The following NSD2 variants were observed in gnomAD, a reference collection of about 807,000 sequenced individuals.
The protein encoded by NSD2 is nuclear receptor binding SET domain protein 2.
A neutral mutation model predicts 139.0 loss-of-function variants in NSD2; 12 were observed. The ratio of observed to expected loss-of-function variants is 0.09; its 90% CI spans 0.06 to 0.14. The LOEUF (loss-of-function observed/expected upper bound fraction) is 0.14. Among genes scored for constraint, NSD2 ranks in the 10% least tolerant of loss-of-function variants. The probability of loss-of-function intolerance (pLI) is 1.00; values close to 1 mark genes in which losing one functional copy is unlikely to be tolerated. For missense variants in NSD2, 1,155 were observed against 1,745.0 expected (o/e 0.66, Z 6.02); for synonymous variants, 669 against 648.7 (o/e 1.03, Z -0.48).
At position 1,918,626 on chromosome 4, in the gene NSD2, C is replaced by T. The variant is rs1719727583; in HGVS notation, c.1410+3C>T. 1.2e-6 allele frequency: 2 copies of T among 1,613,226 alleles called. No individual in the cohort carries two copies. The highest frequency in any genetic ancestry group is 1.3e-5 in the African/African-American group (1 of 74,912). The stretch of plus-strand genomic sequence containing the variant: ...TCTGTCAAAAACACAGGGATGAGGT[C>T]AGTACTAAGTTGTGTTTCATGCTAG... On this transcript the variant is annotated splice_donor_region_variant and intron_variant, in intron 5 of 21. Coordinates refer to ENST00000508803, the MANE Select transcript of NSD2 (RefSeq NM_001042424.3).
Position 1,979,545 on chromosome 4 carries a change from C to G in NSD2, c.*636C>G, listed in dbSNP as rs1337857537. The stretch of plus-strand genomic sequence containing the variant: ...GCAATGGTGTTGTAAGATTTCCTCC[C>G]GTAGTTTTTTCTCCTCATGGATTTG... On this transcript the variant is annotated 3_prime_UTR_variant, in exon 22 of 22. Transcript: ENST00000508803. 3 of 232,846 alleles carry G rather than the reference C, an allele frequency of 1.3e-5. No homozygotes were observed. The East Asian group carries it at 1.8e-4, about 14-fold the overall frequency. The allele number at this position is 232,846 out of a possible 1,614,324, so 14.4% of individuals were successfully genotyped here.
In NSD2 at chr4:1,942,542, CAG is replaced by C. The variant is rs1451093379; in HGVS notation, c.1881+2766_1881+2767del. 6.4e-6 allele frequency: 9 copies of C among 1,398,644 alleles called. No individual in the cohort carries two copies. The highest frequency in any genetic ancestry group is 1.4e-5 in the African/African-American group (1 of 69,136). 86.6% of individuals were successfully genotyped at this position (1,398,644 alleles called of 1,614,324 possible). A position where few individuals can be genotyped will look rare whatever the true frequency, so the allele number is the denominator to read the frequency against. ...TAATAAACACATACAATGAAGAAAA[CAG>C]ATAACAAATTTTAAGACCAAGGTAA... On this transcript the variant is annotated intron_variant, in intron 9 of 21. Transcript: ENST00000508803. This position sits in a 1 kb window ranked among gnomAD's most constrained non-coding sequence, Gnocchi z 4.0.
chr4:1,876,688 C>T (rs1714286617), intron 1 of NSD2, among the ~76,000 whole-genome samples: 1 of 151,984 alleles, frequency 6.6e-6, no homozygotes, highest in African/African-American at 2.4e-5. Flanking sequence ...AACCCTCTCT[C>T]AAAAAACAAA....
chr4:1,955,028 T>C lies in NSD2; in HGVS notation c.2339-133T>C, dbSNP rs183835773. 1 of 1,061,104 alleles carries C rather than the reference T, an allele frequency of 9.4e-7. No homozygotes were observed. The highest frequency in any genetic ancestry group is 2.6e-5 in the East Asian group (1 of 38,226). 65.7% of individuals were successfully genotyped at this position (1,061,104 alleles called of 1,614,324 possible). A position where few individuals can be genotyped will look rare whatever the true frequency, so the allele number is the denominator to read the frequency against. On this transcript the variant is annotated intron_variant, in intron 12 of 21. Transcript: ENST00000508803. The surrounding 1 kb of genome is among the most constrained non-coding windows in gnomAD (Gnocchi z 4.7). ...GCACCTTTGCTCTGAAAGCTTTTTT[T>C]AAATCAAATACCTCCATTTCATTTT...
rs1044266822 is a variant in NSD2 at position 1,974,505 on chromosome 4, C to T, written c.3373-358C>T. The T allele has an allele frequency of 2.6e-5, 10 of 387,006 alleles. No individual in the cohort carries two copies. The highest frequency in any genetic ancestry group is 6.1e-5 in the African/African-American group (3 of 48,906). The allele number at this position is 387,006 out of a possible 1,614,324, so 24.0% of individuals were successfully genotyped here. A position where few individuals can be genotyped will look rare whatever the true frequency, so the allele number is the denominator to read the frequency against. On this transcript the variant is annotated intron_variant, in intron 18 of 21. Coordinates refer to ENST00000508803, the MANE Select transcript of NSD2 (RefSeq NM_001042424.3). The surrounding 1 kb of genome is among the most constrained non-coding windows in gnomAD (Gnocchi z 4.0). ...CTGGGATTACAGGCGTGAGCCACTG[C>T]GCCCAGCCAGGGTGAGTCTTGTTCT...
intron 1 of NSD2, among the ~76,000 whole-genome samples, chr4:1,881,798 A>G (rs73202826): frequency 1.6e-4 from 25 of 152,204 alleles, no homozygotes; most frequent in African/African-American, 6.0e-4. Flanking sequence ...TAGGGAGGTT[A>G]TACCTGACAA....
intron 21 of NSD2, among the ~76,000 whole-genome samples, chr4:1,978,273 C>T (rs140337521): frequency 1.3e-5 from 2 of 152,158 alleles, no homozygotes; most frequent in Non-Finnish European, 2.9e-5. Flanking sequence ...AAGATGAATA[C>T]CCAAGTTGAA....
chr4:1,954,020 C>A (rs866708252), intron 12 of NSD2, among the ~76,000 whole-genome samples: 5 of 151,150 alleles, frequency 3.3e-5, no homozygotes, highest in Admixed American at 2.6e-4. Flanking sequence ...AAATCTCCCT[C>A]TGTTGCCCAG....
rs932082821 is a variant in NSD2 at position 1,948,006 on chromosome 4, T to C, written c.1882-3066T>C. The C allele has an allele frequency of 2.8e-6, 3 of 1,056,320 alleles. No homozygotes were observed. Among genetic ancestry groups the C allele is most frequent in the Non-Finnish European group, 2.3e-6 (2 of 873,498 alleles). The allele number at this position is 1,056,320 out of a possible 1,614,324, so 65.4% of individuals were successfully genotyped here. ...GGAATGTGTTCACTAGGTTCCGTTA[T>C]GTTTGGTAATATCATCTTGAAAAGT... On this transcript the variant is annotated intron_variant, in intron 9 of 21. Transcript: ENST00000508803. This position sits in a 1 kb window ranked among gnomAD's most constrained non-coding sequence, Gnocchi z 4.5.
At chr4:1,978,292 C>T (rs758985488) in intron 21 of NSD2, among the ~76,000 whole-genome samples, 2 of 152,096 alleles carry the variant, frequency 1.3e-5, no homozygotes, top group Admixed American at 1.3e-4. Flanking sequence ...AAAATCAGTC[C>T]CTTGGGAGAG....
intron 18 of NSD2, among the ~76,000 whole-genome samples, chr4:1,962,220 G>A (rs1335351856): frequency 6.6e-6 from 1 of 152,224 alleles, no homozygotes; most frequent in African/African-American, 2.4e-5. Flanking sequence ...TCAATCACAG[G>A]TCGTGGGGCT....
At chr4:1,904,478 G>T in intron 3 of NSD2, 100 bp downstream of exon 3, 4 of 1,330,170 alleles carry the variant, frequency 3.0e-6, no homozygotes, top group Non-Finnish European at 3.1e-6. Context: ...GCCCTGCTAT[G>T]GTTCATTTTT....
intron 18 of NSD2, among the ~76,000 whole-genome samples, chr4:1,963,844 C>T (rs563758150): frequency 3.3e-5 from 5 of 152,186 alleles, no homozygotes; most frequent in African/African-American, 4.8e-5. Context: ...ACCCTCATCT[C>T]TACAAAAAAG....
chr4:1,953,142 G>T (rs1250162016), intron 11 of NSD2, 182 bp from the exon 12 acceptor site: 1 of 1,549,290 alleles, frequency 6.5e-7, no homozygotes, highest in East Asian at 2.4e-5. Flanking sequence ...GGTAATCCTT[G>T]ATGGCTGGAT....
intron 1 of NSD2, chr4:1,887,641 C>A: frequency 6.6e-6 from 1 of 152,566 alleles, no homozygotes; most frequent in South Asian, 2.0e-4. Context: ...GCCACTACAC[C>A]TGGCTAATTT....
At chr4:1,873,616 G>T (rs1714031527) in intron 1 of NSD2, among the ~76,000 whole-genome samples, 1 of 152,088 alleles carries the variant, frequency 6.6e-6, no homozygotes, top group Non-Finnish European at 1.5e-5. Flanking sequence ...GGCTTACATG[G>T]GTACAGCCTT....
chr4:1,908,550 C>T (rs1224416356), intron 3 of NSD2, among the ~76,000 whole-genome samples: 1 of 152,136 alleles, frequency 6.6e-6, no homozygotes, highest in Admixed American at 6.5e-5. Context: ...AAAGGAGATT[C>T]AGATAATCTT....
intron 11 of NSD2, chr4:1,952,970 G>A: frequency 1.4e-6 from 2 of 1,432,928 alleles, no homozygotes; most frequent in Non-Finnish European, 9.1e-7. Context: ...AATGATAAGT[G>A]ACTGCTCCAC....
Position 1,956,330 on chromosome 4 carries a change from C to T in NSD2, c.2881+142C>T, listed in dbSNP as rs953819070. ...TTTTTTTAAATTAGGAAAATGTTTG[C>T]AGTCTGGTTTATTTGTTGAGCATAG... is the stretch of plus-strand genomic sequence containing the variant. On this transcript the variant is annotated intron_variant, in intron 15 of 21. Coordinates refer to ENST00000508803, the MANE Select transcript of NSD2 (RefSeq NM_001042424.3). This position sits in a 1 kb window ranked among gnomAD's most constrained non-coding sequence, Gnocchi z 5.3. 8 of 720,486 alleles carry T rather than the reference C, an allele frequency of 1.1e-5. No individual in the cohort carries two copies. The highest frequency in any genetic ancestry group is 1.7e-5 in the Non-Finnish European group (8 of 474,602). The allele number at this position is 720,486 out of a possible 1,614,324, so 44.6% of individuals were successfully genotyped here.
Sources: allele counts gnomAD v4.1 joint callset (sites outside exome capture counted in the v4.1 genomes callset), GRCh38; gene constraint gnomAD v4.1.1; non-coding constraint Gnocchi (gnomAD v3.1); transcripts MANE v1.5; gene names NCBI Gene and HGNC (gene_info 2026-07-23, HGNC 2026-07-21).